TRPC4: variants seen among roughly 807,000 people sequenced by gnomAD.
The protein encoded by TRPC4 is short transient receptor potential channel 4.
Under a neutral mutation model 99.4 loss-of-function variants are expected in TRPC4, and 49 were observed. The observed-to-expected ratio is 0.49, with a 90% confidence interval of 0.39 to 0.63. The LOEUF (loss-of-function observed/expected upper bound fraction) is 0.63, where lower values mean the gene tolerates loss of function less well. Among genes scored for constraint, TRPC4 ranks in the 20% least tolerant of loss-of-function variants. The pLI, the probability that TRPC4 is intolerant of heterozygous loss-of-function variation, is 0.00. For missense variants in TRPC4, 898 were observed against 1,152.9 expected, an observed-to-expected ratio of 0.78 and a Z score of 3.20; for synonymous variants, 454 against 425.9, an observed-to-expected ratio of 1.07 and a Z score of -0.81.
chr13:37,855,349 T>G (rs1959164471), intron 1 of TRPC4, among the ~76,000 whole-genome samples: 1 of 148,494 alleles, frequency 6.7e-6, no homozygotes, highest in South Asian at 2.1e-4. Context: ...TATATATATA[T>G]ATATATATGC....
chr13:37,862,452 T>G (rs1329109063), intron 1 of TRPC4, among the ~76,000 whole-genome samples: 1 of 151,600 alleles, frequency 6.6e-6, no homozygotes, highest in African/African-American at 2.4e-5. Context: ...GTAAAAAAAC[T>G]TAAGTCCTAC....
intron 3 of TRPC4, among the ~76,000 whole-genome samples, chr13:37,713,918 T>C (rs924126148): frequency 2.0e-5 from 3 of 152,114 alleles, no homozygotes; most frequent in Non-Finnish European, 4.4e-5. Context: ...TTTGTTTCTA[T>C]TTCAACTTTT....
intron 2 of TRPC4, among the ~76,000 whole-genome samples, chr13:37,769,293 A>C (rs1956480200): frequency 6.6e-6 from 1 of 151,500 alleles, no homozygotes; most frequent in Admixed American, 6.6e-5. Context: ...GGTCAAAGGA[A>C]GCTATCTGCT....
At chr13:37,796,430 C>G (rs1391243392) in intron 1 of TRPC4, among the ~76,000 whole-genome samples, 1 of 152,048 alleles carries the variant, frequency 6.6e-6, no homozygotes. Context: ...TCCTTATTAC[C>G]CTGTATTACA....
At chr13:37,855,212 T>C (rs1959156305) in intron 1 of TRPC4, among the ~76,000 whole-genome samples, 1 of 151,242 alleles carries the variant, frequency 6.6e-6, no homozygotes, top group African/African-American at 2.4e-5. Context: ...ACAAAATAGA[T>C]TTCAAGACAA....
intron 2 of TRPC4, among the ~76,000 whole-genome samples, chr13:37,750,610 A>G (rs1464384109): frequency 6.6e-6 from 1 of 152,138 alleles, no homozygotes; most frequent in South Asian, 2.1e-4. Context: ...AATGAATTCC[A>G]CGTGGTCAAA....
intron 3 of TRPC4, among the ~76,000 whole-genome samples, chr13:37,712,884 A>C (rs1954531069): frequency 6.6e-6 from 1 of 152,066 alleles, no homozygotes; most frequent in African/African-American, 2.4e-5. Flanking sequence ...TGTTCCTCAA[A>C]AGAGAAAGAA....
chr13:37,818,483 T>A (rs1208623132), intron 1 of TRPC4, among the ~76,000 whole-genome samples: 2 of 152,216 alleles, frequency 1.3e-5, no homozygotes, highest in East Asian at 3.9e-4. Context: ...ATCATACTAC[T>A]ATAAAGATAC....
intron 1 of TRPC4, among the ~76,000 whole-genome samples, chr13:37,830,803 G>GTATA (rs148590771): frequency 3.8e-4 from 56 of 146,142 alleles, no homozygotes; most frequent in African/African-American, 1.2e-3. Context: ...TATATTTTTT[G>GTATA]TATATATATA....
chr13:37,795,978 G>A (rs1957233501), intron 1 of TRPC4, among the ~76,000 whole-genome samples: 1 of 152,140 alleles, frequency 6.6e-6, no homozygotes, highest in African/African-American at 2.4e-5. Context: ...TATTAGCAAT[G>A]AAAATGCTGA....
chr13:37,825,188 G>A (rs939846417), intron 1 of TRPC4, among the ~76,000 whole-genome samples: 4 of 151,870 alleles, frequency 2.6e-5, no homozygotes, highest in Admixed American at 1.3e-4. Context: ...TCTTGCTAGT[G>A]GTCTATCTAT....
chr13:37,671,596 T>A (rs2138744642), intron 5 of TRPC4, among the ~76,000 whole-genome samples: 1 of 151,980 alleles, frequency 6.6e-6, no homozygotes, highest in South Asian at 2.1e-4. Flanking sequence ...AAGAAAAAAC[T>A]AATTTAGTGT....
At position 37,634,566 on chromosome 13, in the gene TRPC4, G is replaced by A. The variant is rs1951463516; in HGVS notation, c.*2337C>T. ...TAACCCCTGATATAAATAAGCTACTGGGGGAAAAAAGGTTTTGTTGCTTGT... is the reference window on the plus strand; with the variant it reads ...TAACCCCTGATATAAATAAGCTACTAGGGGAAAAAAGGTTTTGTTGCTTGT... On this transcript the variant is annotated 3_prime_UTR_variant, in exon 11 of 11. Coordinates refer to ENST00000379705, the MANE Select transcript of TRPC4 (RefSeq NM_016179.4). 6.6e-6 allele frequency among the ~76,000 whole-genome samples: 1 copy of A among 151,892 alleles called. No homozygotes were observed. Among genetic ancestry groups the A allele is most frequent in the Non-Finnish European group, 1.5e-5 (1 of 67,936 alleles).
intron 1 of TRPC4, among the ~76,000 whole-genome samples, chr13:37,803,551 A>G (rs1441588509): frequency 6.6e-6 from 1 of 152,114 alleles, no homozygotes; most frequent in Admixed American, 6.6e-5. Context: ...CATTCAATAA[A>G]TATGTATTGA....
intron 3 of TRPC4, among the ~76,000 whole-genome samples, chr13:37,715,010 A>G (rs570757789): frequency 1.3e-4 from 20 of 152,346 alleles, no homozygotes; most frequent in Admixed American, 3.9e-4. Flanking sequence ...AAAGGCATGT[A>G]TGCATATGTG....
chr13:37,776,438 T>C (rs1956705485), intron 2 of TRPC4, among the ~76,000 whole-genome samples: 1 of 151,796 alleles, frequency 6.6e-6, no homozygotes, highest in Non-Finnish European at 1.5e-5. Flanking sequence ...ATACTATAAC[T>C]CTTATTCTTT....
Position 37,666,428 on chromosome 13 carries a change from G to A in TRPC4, c.1375-2699C>T, listed in dbSNP as rs553689131. On this transcript the variant is annotated intron_variant, in intron 5 of 10. Transcript: ENST00000379705. ...TCTGATCCAAAAAACCTCATTTCCTGTCACGGATTAAGAGATATAAATATG... is the reference window on the plus strand; with the variant it reads ...TCTGATCCAAAAAACCTCATTTCCTATCACGGATTAAGAGATATAAATATG... Among the ~76,000 whole-genome samples, 35 of 152,210 alleles carry A rather than the reference G, an allele frequency of 2.3e-4. 1 individual carries two copies. The South Asian group carries it at 3.9e-3, about 17-fold the overall frequency.
At chr13:37,744,268 G>A (rs1175658774) in intron 3 of TRPC4, among the ~76,000 whole-genome samples, 2 of 152,246 alleles carry the variant, frequency 1.3e-5, no homozygotes, top group East Asian at 3.9e-4. Flanking sequence ...TCTAAAGCCT[G>A]CAATGACTTC....
intron 1 of TRPC4, among the ~76,000 whole-genome samples, chr13:37,821,458 A>T (rs886659961): frequency 6.6e-6 from 1 of 152,168 alleles, no homozygotes; most frequent in Non-Finnish European, 1.5e-5. Flanking sequence ...AATTAGAAAA[A>T]CTATTTTAAA....
Sources: gnomAD v4.1 joint callset for allele counts (sites outside exome capture counted in the v4.1 genomes callset) on GRCh38, gnomAD v4.1.1 for gene constraint, MANE v1.5 for transcripts, NCBI Gene and HGNC (gene_info 2026-07-23, HGNC 2026-07-21) for gene names.